The following HYDIN variants were observed in gnomAD, a reference collection of about 807,000 sequenced individuals.
HYDIN encodes HYDIN axonemal central pair apparatus protein.
A neutral mutation model predicts 403.9 loss-of-function variants in HYDIN; 132 were observed. The observed-to-expected ratio is 0.33, with a 90% CI of 0.28 to 0.38. The LOEUF (loss-of-function observed/expected upper bound fraction) is 0.38. Ranked by LOEUF, HYDIN falls within the 10% of genes least tolerant of loss-of-function variation. The probability of loss-of-function intolerance (pLI) is 1.00; values close to 1 mark genes in which losing one functional copy is unlikely to be tolerated. For missense variants in HYDIN, 2,827 were observed against 5,009.5 expected (o/e 0.56, Z 13.15); for synonymous variants, 1,202 against 1,891.7 (o/e 0.64, Z 9.46).
At position 70,943,968 on chromosome 16, in the gene HYDIN, ATCAGGAG is replaced by A. The variant is rs761541799; in HGVS notation, c.6532-26_6532-20del. 1.1e-5 allele frequency: 18 copies of A among 1,568,430 alleles called. No individual in the cohort carries two copies. The highest frequency in any genetic ancestry group is 1.0e-5 in the Non-Finnish European group (12 of 1,153,910). ...AGGAAATCTGTTGAGTGGGAGAAGG[ATCAGGAG>A]TCAGAATCTGGCCTTGTATCTCAAC... On this transcript the variant is annotated intron_variant, in intron 41 of 85. Coordinates refer to ENST00000393567, the MANE Select transcript of HYDIN (RefSeq NM_001270974.2).
At chr16:70,972,289 G>A (rs783757) in intron 35 of HYDIN, among the ~76,000 whole-genome samples, 14 of 109,438 alleles carry the variant, frequency 1.3e-4, no homozygotes, top group African/African-American at 2.9e-4. Context: ...TCCTCAAAGC[G>A]ATTACAAGGA....
chr16:70,939,507 C>A (rs889556478), intron 43 of HYDIN, among the ~76,000 whole-genome samples: 6 of 152,238 alleles, frequency 3.9e-5, no homozygotes, highest in Admixed American at 3.3e-4. Context: ...ACTACTATTA[C>A]ATTAAAATCT....
chr16:70,850,460 G>T lies in HYDIN; in HGVS notation c.12639C>A (p.Ile4213=), dbSNP rs566010019. The stretch of plus-strand genomic sequence containing the variant: ...CTTACACCTTTACCTCATAGAAGTT[G>T]ATGATGTTAGTCTGGTTGGGAGTCA... ...TLLTPNQTNI[I]NFYEVELNEC... The change falls in exon 74 of 86, where the codon ATC becomes ATA. Residue 4213 remains isoleucine (I), a synonymous_variant. Transcript: ENST00000393567. 2 of 1,528,526 alleles carry T rather than the reference G, an allele frequency of 1.3e-6. No homozygotes were observed. The highest frequency in any genetic ancestry group is 2.3e-5 in the East Asian group (1 of 43,238). 94.7% of individuals were successfully genotyped at this position (1,528,526 alleles called of 1,614,324 possible).
intron 5 of HYDIN, among the ~76,000 whole-genome samples, chr16:71,170,787 T>A (rs936679259): frequency 2.0e-5 from 3 of 152,114 alleles, no homozygotes; most frequent in African/African-American, 7.2e-5. Flanking sequence ...GCCCTTATCT[T>A]TAAGAGAAAA....
At chr16:71,198,223 C>G (rs1328821682) in intron 1 of HYDIN, among the ~76,000 whole-genome samples, 1 of 152,174 alleles carries the variant, frequency 6.6e-6, no homozygotes, top group South Asian at 2.1e-4. Flanking sequence ...TAATAATCCA[C>G]CATTTGAATT....
rs2035134208 is a variant in HYDIN, at chr16:70,806,952, G to A, written c.*628C>T. On this transcript the variant is annotated 3_prime_UTR_variant, in exon 86 of 86. Coordinates refer to ENST00000393567, the MANE Select transcript of HYDIN (RefSeq NM_001270974.2). The stretch of plus-strand genomic sequence containing the variant: ...GTGTATGTGTGGTGGGGGGAGCTGG[G>A]ATCTCTATTAGCCTTTCTCCAGGGC... 6.6e-6 allele frequency among the ~76,000 whole-genome samples: 1 copy of A among 152,110 alleles called. No homozygotes were observed. The highest frequency in any genetic ancestry group is 6.5e-5 in the Admixed American group (1 of 15,268).
chr16:70,809,506 A>G (rs2035319731), intron 85 of HYDIN, among the ~76,000 whole-genome samples: 2 of 152,180 alleles, frequency 1.3e-5, no homozygotes, highest in Non-Finnish European at 1.5e-5. Context: ...CCCTCTGTGG[A>G]TCACTGGGCG....
At chr16:71,136,766 C>CAAAAAAAAAA (rs72061209) in intron 8 of HYDIN, among the ~76,000 whole-genome samples, 1 of 101,398 alleles carries the variant, frequency 9.9e-6, no homozygotes. Context: ...GACTCCATCT[C>CAAAAAAAAAA]AAAAAAAAAA....
chr16:71,031,454 C>T (rs1161734071), intron 19 of HYDIN: 16 of 1,363,802 alleles, frequency 1.2e-5, no homozygotes, highest in African/African-American at 1.0e-4. Flanking sequence ...ATATTCTTCT[C>T]GGATGTAGAG....
chr16:70,847,898 G>A (rs996751041), intron 75 of HYDIN, among the ~76,000 whole-genome samples: 1 of 150,742 alleles, frequency 6.6e-6, no homozygotes, highest in African/African-American at 2.4e-5. Context: ...CTCCTTCTGA[G>A]ATTCCCATTA....
At chr16:70,958,539 C>T (rs1177650166) in intron 39 of HYDIN, among the ~76,000 whole-genome samples, 2 of 151,870 alleles carry the variant, frequency 1.3e-5, no homozygotes, top group Middle Eastern at 3.4e-3. Flanking sequence ...ACTAAAATGG[C>T]CTGAGCCTCT....
chr16:71,018,731 AG>A (rs1276838663), intron 22 of HYDIN, among the ~76,000 whole-genome samples: 4 of 152,414 alleles, frequency 2.6e-5, no homozygotes, highest in African/African-American at 9.6e-5. Flanking sequence ...AATTATTTAA[AG>A]GAAGAGATTT....
Position 70,929,056 on chromosome 16 carries a change from A to G in HYDIN, c.7158+6896T>C, listed in dbSNP as rs554926654. Among the ~76,000 whole-genome samples the G allele has an allele frequency of 5.3e-5, 8 of 152,226 alleles. No individual in the cohort carries two copies. In the South Asian group the frequency reaches 1.7e-3, roughly 32 times the overall value. ...TGTAATCCCAGCATTTTGGGAGGCC[A>G]AGGCAGGTGGATCACCTGAGGTCAG... On this transcript the variant is annotated intron_variant, in intron 45 of 85. Coordinates refer to ENST00000393567, the MANE Select transcript of HYDIN (RefSeq NM_001270974.2).
At chr16:70,893,907 C>G (rs1274690853) in intron 55 of HYDIN, 2 of 154,086 alleles carry the variant, frequency 1.3e-5, no homozygotes, top group Non-Finnish European at 2.9e-5. Context: ...TGTACAATAT[C>G]ATGATTCTTA....
chr16:70,887,883 C>T (rs1005853803), intron 58 of HYDIN, among the ~76,000 whole-genome samples: 17 of 152,002 alleles, frequency 1.1e-4, no homozygotes, highest in African/African-American at 4.1e-4. Flanking sequence ...CAGGGTTTCA[C>T]TGTGTTATCC....
intron 28 of HYDIN, among the ~76,000 whole-genome samples, 198 bp from the exon 29 acceptor site, chr16:70,981,766 G>C (rs1242969121): frequency 6.6e-6 from 1 of 152,060 alleles, no homozygotes; most frequent in Admixed American, 6.6e-5. Flanking sequence ...GAAAAAAGAC[G>C]AATAAAATAC....
At chr16:71,083,720 T>C (rs1447268353) in intron 12 of HYDIN, among the ~76,000 whole-genome samples, 1 of 152,204 alleles carries the variant, frequency 6.6e-6, no homozygotes, top group East Asian at 1.9e-4. Context: ...GTTAAGTGCC[T>C]GCCACTTTGC....
intron 45 of HYDIN, among the ~76,000 whole-genome samples, chr16:70,926,024 T>C (rs1235526656): frequency 4.2e-4 from 63 of 151,034 alleles, no homozygotes; most frequent in African/African-American, 1.4e-3. Flanking sequence ...GACTGTAAAC[T>C]AGTTCAACCA....
intron 1 of HYDIN, among the ~76,000 whole-genome samples, chr16:71,189,413 T>G (rs2087310329): frequency 6.6e-6 from 1 of 152,198 alleles, no homozygotes; most frequent in Non-Finnish European, 1.5e-5. Flanking sequence ...TGAACCTTGC[T>G]GTACATCCAG....
Sources: gnomAD v4.1 joint callset for allele counts (sites outside exome capture counted in the v4.1 genomes callset) on GRCh38, gnomAD v4.1.1 for gene constraint, MANE v1.5 for transcripts, NCBI Gene and HGNC (gene_info 2026-07-23, HGNC 2026-07-21) for gene names.